CELA2B: variants seen among roughly 807,000 people sequenced by gnomAD.
The protein encoded by CELA2B is chymotrypsin like elastase 2B, also known as chymotrypsin-like elastase family member 2B.
A neutral mutation model predicts 36.5 loss-of-function variants in CELA2B; 27 were observed. The observed-to-expected ratio is 0.74, with a 90% CI of 0.55 to 1.02. The LOEUF (loss-of-function observed/expected upper bound fraction) is 1.02. Ranked by LOEUF, CELA2B falls within the 50% of genes least tolerant of loss-of-function variation. CELA2B has a pLI of 0.00. For missense variants in CELA2B, 340 were observed against 347.8 expected (o/e 0.98, Z 0.18); for synonymous variants, 143 against 148.5 (o/e 0.96, Z 0.27).
intron 1 of CELA2B, 83 bp from the exon 2 acceptor site, chr1:15,476,374 T>C: frequency 1.4e-6 from 2 of 1,470,218 alleles, no homozygotes; most frequent in South Asian, 1.1e-5. Flanking sequence ...GGTTTTCTAT[T>C]TGGGGGTTCA....
intron 3 of CELA2B, chr1:15,481,659 C>T (rs1708743028): frequency 8.5e-6 from 4 of 472,664 alleles, no homozygotes; most frequent in South Asian, 6.2e-5. Flanking sequence ...ATTATAAAGG[C>T]CCACAAGGTT....
rs202079732 is a variant in CELA2B at position 15,476,586 on chromosome 1, C to T, written c.129+41C>T. ...TGTACTTCTCCCCGTCCCTGCCCCACTCCCTTTACATCCCCCCTTTGCCCT... is the reference window on the plus strand; with the variant it reads ...TGTACTTCTCCCCGTCCCTGCCCCATTCCCTTTACATCCCCCCTTTGCCCT... On this transcript the variant is annotated intron_variant, in intron 2 of 7. Coordinates refer to ENST00000375910, the MANE Select transcript of CELA2B (RefSeq NM_015849.3). 19 of 1,575,640 alleles carry T rather than the reference C, an allele frequency of 1.2e-5. No homozygotes were observed. In the Admixed American group the frequency reaches 2.3e-4, roughly 19 times the overall value.
chr1:15,482,352 T>A lies in CELA2B; in HGVS notation c.315T>A (p.Ile105=), dbSNP rs1413833169. 1.9e-6 allele frequency: 3 copies of A among 1,613,998 alleles called. No individual in the cohort carries two copies. Among genetic ancestry groups the A allele is most frequent in the Non-Finnish European group, 2.5e-6 (3 of 1,180,032 alleles). Residue 105 remains isoleucine, a synonymous_variant, in exon 4 of 8, where the codon ATT becomes ATA. Coordinates refer to ENST00000375910, the MANE Select transcript of CELA2B (RefSeq NM_015849.3). ...SGSLAVSVSK[I]VVHKDWNSDQ... is the part of the protein sequence containing the mutation. ...CGCTGGCCGTCAGTGTCTCTAAGAT[T>A]GTGGTGCACAAGGACTGGAACTCCG...
At chr1:15,488,854 T>C (rs1036117478) in intron 7 of CELA2B, among the ~76,000 whole-genome samples, 4 of 152,260 alleles carry the variant, frequency 2.6e-5, no homozygotes, top group African/African-American at 9.6e-5. Flanking sequence ...TTCCCATTGA[T>C]TCTTGCCAGC....
At chr1:15,487,220 A>T (rs1708814944) in intron 6 of CELA2B, 65 bp from the exon 7 acceptor site, 2 of 1,459,298 alleles carry the variant, frequency 1.4e-6, no homozygotes, top group Non-Finnish European at 1.9e-6. Context: ...TGCATTGAGA[A>T]CAATGGTTCC....
intron 2 of CELA2B, among the ~76,000 whole-genome samples, chr1:15,478,150 G>A (rs1457949438): frequency 6.6e-6 from 1 of 151,836 alleles, no homozygotes; most frequent in African/African-American, 2.4e-5. Context: ...ACAAAAATTA[G>A]CCAGGCATGA....
intron 3 of CELA2B, chr1:15,481,791 C>T (rs754439169): frequency 1.7e-5 from 8 of 469,334 alleles, no homozygotes; most frequent in South Asian, 3.1e-5. Flanking sequence ...TTCTCCCATC[C>T]GACTTATAAT....
chr1:15,486,810 G>A (rs1570811970), intron 6 of CELA2B, among the ~76,000 whole-genome samples: 1 of 150,654 alleles, frequency 6.6e-6, no homozygotes, highest in African/African-American at 2.4e-5. Context: ...GCAGTGAAGT[G>A]GGGATGGAGT....
chr1:15,482,872 G>A (rs867184112), intron 4 of CELA2B, among the ~76,000 whole-genome samples: 2 of 152,036 alleles, frequency 1.3e-5, no homozygotes, highest in African/African-American at 4.8e-5. Flanking sequence ...TGCAAGCTCC[G>A]CCTCCTGGGT....
intron 4 of CELA2B, among the ~76,000 whole-genome samples, chr1:15,482,775 C>A (rs1708758119): frequency 6.6e-6 from 1 of 152,186 alleles, no homozygotes; most frequent in Non-Finnish European, 1.5e-5. Context: ...TCCGCATTTT[C>A]TTTTTTCTTT....
intron 7 of CELA2B, 44 bp from the exon 8 acceptor site, chr1:15,491,251 T>C (rs756465798): frequency 2.4e-5 from 38 of 1,613,640 alleles, no homozygotes; most frequent in African/African-American, 1.1e-4. Context: ...CACAGCTCTG[T>C]GGTTACGTGA....
At chr1:15,484,136 C>T (rs1312136656) in intron 5 of CELA2B, among the ~76,000 whole-genome samples, 1 of 152,116 alleles carries the variant, frequency 6.6e-6, no homozygotes, top group Non-Finnish European at 1.5e-5. Flanking sequence ...TCCTCTGTGA[C>T]CTGAGGTCTC....
At chr1:15,486,453 T>A (rs56229533) in intron 6 of CELA2B, among the ~76,000 whole-genome samples, 5 of 152,158 alleles carry the variant, frequency 3.3e-5, no homozygotes, top group Non-Finnish European at 7.4e-5. Flanking sequence ...CACTCCAGCC[T>A]GGGTGACAGA....
chr1:15,489,097 G>A (rs1462593021), intron 7 of CELA2B, among the ~76,000 whole-genome samples: 1 of 152,222 alleles, frequency 6.6e-6, no homozygotes, highest in Non-Finnish European at 1.5e-5. Context: ...AGGCTGCTTA[G>A]GGGCCTTTCC....
chr1:15,479,342 G>T (rs1396327315), intron 2 of CELA2B, among the ~76,000 whole-genome samples: 9 of 151,936 alleles, frequency 5.9e-5, no homozygotes, highest in African/African-American at 2.2e-4. Context: ...GTCAGGAGTT[G>T]GAGACCAGCC....
intron 7 of CELA2B, among the ~76,000 whole-genome samples, chr1:15,488,186 A>C (rs1363329746): frequency 1.3e-5 from 2 of 152,200 alleles, no homozygotes; most frequent in African/African-American, 4.8e-5. Context: ...CAGGAGTTCA[A>C]GAGCAGCCTG....
intron 7 of CELA2B, 134 bp from the exon 8 acceptor site, chr1:15,491,161 C>T (rs988490530): frequency 1.1e-6 from 1 of 934,750 alleles, no homozygotes; most frequent in African/African-American, 1.6e-5. Flanking sequence ...ACTCCTCAGG[C>T]AGGAGCTACT....
chr1:15,485,717 G>A, intron 5 of CELA2B, 184 bp from the exon 6 acceptor site: 1 of 753,962 alleles, frequency 1.3e-6, no homozygotes, highest in Non-Finnish European at 2.2e-6. Flanking sequence ...GTTCACTGCT[G>A]AACCAATCAC....
chr1:15,477,863 C>G (rs189413351), intron 2 of CELA2B, among the ~76,000 whole-genome samples: 1 of 152,078 alleles, frequency 6.6e-6, no homozygotes, highest in African/African-American at 2.4e-5. Context: ...AGGAGCAAAC[C>G]CAGCTGAACC....
Sources: gnomAD v4.1 joint callset for allele counts (sites outside exome capture counted in the v4.1 genomes callset) on GRCh38, gnomAD v4.1.1 for gene constraint, MANE v1.5 for transcripts, NCBI Gene and HGNC (gene_info 2026-07-23, HGNC 2026-07-21) for gene names.